The following LEMD1 variants were observed in gnomAD, a reference collection of about 807,000 sequenced individuals.
LEMD1 encodes LEM domain containing 1.
Under a neutral mutation model 17.4 loss-of-function variants are expected in LEMD1, and 18 were observed. The ratio of observed to expected loss-of-function variants is 1.04; its 90% CI spans 0.72 to 1.54. The LOEUF (loss-of-function observed/expected upper bound fraction) is 1.54, where lower values mean the gene tolerates loss of function less well. Among genes scored for constraint, LEMD1 ranks in the 40% most tolerant of loss-of-function variants. The pLI, the probability that LEMD1 is intolerant of heterozygous loss-of-function variation, is 0.00. For missense variants in LEMD1, 195 were observed against 210.4 expected, an observed-to-expected ratio of 0.93 and a Z score of 0.45; for synonymous variants, 88 against 77.8, an observed-to-expected ratio of 1.13 and a Z score of -0.69.
intron 4 of LEMD1, among the ~76,000 whole-genome samples, chr1:205,389,037 CTTTTT>C (rs61341380): frequency 3.6e-3 from 283 of 77,838 alleles, no homozygotes; most frequent in Non-Finnish European, 5.4e-3. Context: ...CATTTGCTTT[CTTTTT>C]TTTTTTTTTT....
rs1413553190 is a variant in LEMD1, at chr1:205,384,355, C to A, written c.280G>T (p.Ala94Ser). ...ACAGCTTTGCGTTTAGTGGTGGAAG[C>A]CTCAGGCCACTGATAAACAGAAAGA... is the stretch of plus-strand genomic sequence containing the variant. ...KSKKLKKWPEASTTKRKAVDT... is the reference protein window; with the variant it reads ...KSKKLKKWPESSTTKRKAVDT... Residue 94 changes from alanine (A) to serine (S), a missense_variant, in exon 5 of 6, where the codon GCT becomes TCT. By Grantham distance (99) the Ala-to-Ser change is moderately conservative (BLOSUM62 1). Transcript: ENST00000367153. 1.3e-6 allele frequency: 2 copies of A among 1,512,688 alleles called. No individual in the cohort carries two copies. Among genetic ancestry groups the A allele is most frequent in the African/African-American group, 2.8e-5 (2 of 71,102 alleles). The allele number at this position is 1,512,688 out of a possible 1,614,324, so 93.7% of individuals were successfully genotyped here.
chr1:205,406,437 C>T (rs1665110708), intron 4 of LEMD1, among the ~76,000 whole-genome samples: 1 of 152,280 alleles, frequency 6.6e-6, no homozygotes, highest in African/African-American at 2.4e-5. Context: ...AGCCTGGCTG[C>T]CGCCTTGCAG....
intron 4 of LEMD1, among the ~76,000 whole-genome samples, chr1:205,410,440 C>G (rs1233129611): frequency 2.0e-5 from 3 of 152,166 alleles, no homozygotes; most frequent in African/African-American, 7.2e-5. Context: ...TCACAATGAT[C>G]TAAGCATCAT....
At chr1:205,445,592 C>T (rs1370389525) in intron 1 of LEMD1, among the ~76,000 whole-genome samples, 1 of 81,370 alleles carries the variant, frequency 1.2e-5, no homozygotes, top group African/African-American at 2.7e-5. Context: ...AAAGCTCCCT[C>T]CACTTTTCCA....
At chr1:205,432,426 C>T (rs1666138144) in intron 1 of LEMD1, among the ~76,000 whole-genome samples, 2 of 152,226 alleles carry the variant, frequency 1.3e-5, no homozygotes, top group Admixed American at 6.5e-5. Flanking sequence ...CTGAGGTAAT[C>T]ACTGATGCTG....
At chr1:205,397,577 T>C (rs1475512) in intron 4 of LEMD1, among the ~76,000 whole-genome samples, 85,060 of 151,982 alleles carry the variant, frequency 0.56, 24,171 homozygotes, top group African/African-American at 0.62. Flanking sequence ...GGAGATAGAG[T>C]GAGACCCTGT....
At chr1:205,394,042 G>A (rs145775330) in intron 4 of LEMD1, among the ~76,000 whole-genome samples, 1 of 152,274 alleles carries the variant, frequency 6.6e-6, no homozygotes, top group Non-Finnish European at 1.5e-5. Flanking sequence ...ATGAAGTGCT[G>A]ACGCAAATAC....
At chr1:205,394,828 A>T (rs1574954327) in intron 4 of LEMD1, among the ~76,000 whole-genome samples, 1 of 152,058 alleles carries the variant, frequency 6.6e-6, no homozygotes, top group East Asian at 2.0e-4. Flanking sequence ...CTCTACTAAA[A>T]ATACAAAAAT....
chr1:205,413,778 G>A (rs959275841), intron 4 of LEMD1, among the ~76,000 whole-genome samples: 1 of 151,328 alleles, frequency 6.6e-6, no homozygotes, highest in African/African-American at 2.4e-5. Context: ...TTAGCCTCCT[G>A]AGTAGCTGGG....
Position 205,420,645 on chromosome 1 carries a change from A to G in LEMD1, c.-38-71T>C, listed in dbSNP as rs1574997660. The G allele has an allele frequency of 9.9e-6, 8 of 811,350 alleles. No individual in the cohort carries two copies. In the East Asian group the frequency reaches 1.0e-4, roughly 11 times the overall value. The allele number at this position is 811,350 out of a possible 1,614,324, so 50.3% of individuals were successfully genotyped here. A position where few individuals can be genotyped will look rare whatever the true frequency, so the allele number is the denominator to read the frequency against. Reference sequence around the variant, plus strand: ...AAGTACTAAAATGTTACCAATCCACATAAGTGTTTATAATCCTATCTCCCC... The same window carrying G: ...AAGTACTAAAATGTTACCAATCCACGTAAGTGTTTATAATCCTATCTCCCC... On this transcript the variant is annotated intron_variant, in intron 1 of 5. Coordinates refer to ENST00000367153, the MANE Select transcript of LEMD1 (RefSeq NM_001199050.2).
At chr1:205,436,315 C>G (rs1184939283) in intron 1 of LEMD1, 1 of 152,224 alleles carries the variant, frequency 6.6e-6, no homozygotes, top group African/African-American at 2.4e-5. Flanking sequence ...ATGACGACTT[C>G]CTCCAGGGAT....
intron 1 of LEMD1, among the ~76,000 whole-genome samples, chr1:205,447,602 G>A (rs756614190): frequency 1.3e-5 from 2 of 152,030 alleles, no homozygotes; most frequent in African/African-American, 2.4e-5. Context: ...TGTGGGAGTG[G>A]CGACAGGCAT....
At chr1:205,388,202 CT>C (rs11317071) in intron 4 of LEMD1, among the ~76,000 whole-genome samples, 24,617 of 145,686 alleles carry the variant, frequency 0.17, 1,994 homozygotes, top group Admixed American at 0.22. Context: ...ATCTTTCTTT[CT>C]TTTTTTTTTT....
intron 1 of LEMD1, among the ~76,000 whole-genome samples, chr1:205,438,808 C>G (rs1340953719): frequency 6.6e-6 from 1 of 152,102 alleles, no homozygotes; most frequent in Non-Finnish European, 1.5e-5. Context: ...CCCTCTGGAG[C>G]CAAGGGAGTT....
At chr1:205,391,207 T>G (rs751933809) in intron 4 of LEMD1, among the ~76,000 whole-genome samples, 12 of 152,262 alleles carry the variant, frequency 7.9e-5, no homozygotes, top group South Asian at 2.1e-4. Flanking sequence ...TTGGGGTAGA[T>G]GTACTTCTCT....
chr1:205,392,536 C>A (rs747878489), intron 4 of LEMD1, among the ~76,000 whole-genome samples: 9 of 150,204 alleles, frequency 6.0e-5, no homozygotes, highest in Non-Finnish European at 1.2e-4. Context: ...AGTGAAATCC[C>A]GCCTTAAAAA....
In LEMD1 at chr1:205,428,410, T is replaced by C. The variant is rs58510091; in HGVS notation, c.-38-7836A>G. Among the ~76,000 whole-genome samples the C allele has an allele frequency of 3.5e-3, 529 of 152,296 alleles. 2 individuals carry two copies. The highest frequency in any genetic ancestry group is 0.012 in the African/African-American group (479 of 41,570). On this transcript the variant is annotated intron_variant, in intron 1 of 3. Coordinates refer to the LEMD1 transcript ENST00000367154. ...TTGCAGCAAACCATTCCTTCATTCA[T>C]TCAACAACTATTTCCTGAACCCTAC...
chr1:205,426,561 A>G (rs1321129569), upstream of LEMD1, among the ~76,000 whole-genome samples: 2 of 152,108 alleles, frequency 1.3e-5, no homozygotes, highest in Non-Finnish European at 2.9e-5. Flanking sequence ...TAAGGTCTGG[A>G]TTGGCAGGAA....
chr1:205,430,741 G>T (rs1476045068), intron 1 of LEMD1, among the ~76,000 whole-genome samples: 1 of 152,356 alleles, frequency 6.6e-6, no homozygotes, highest in South Asian at 2.1e-4. Context: ...CAAGCAGCCG[G>T]CGAGGCGCAC....
Sources: gnomAD v4.1 joint callset for allele counts (sites outside exome capture counted in the v4.1 genomes callset) on GRCh38, gnomAD v4.1.1 for gene constraint, MANE v1.5 for transcripts, NCBI Gene and HGNC (gene_info 2026-07-23, HGNC 2026-07-21) for gene names.